Variants in ATP6V1H observed in about 807,000 individuals in gnomAD.
ATP6V1H encodes ATPase H+ transporting V1 subunit H, also known as V-type proton ATPase subunit H.
Under a neutral mutation model 71.7 loss-of-function variants are expected in ATP6V1H, and 39 were observed. That is an observed-to-expected ratio of 0.54 (90% CI 0.42 to 0.71). ATP6V1H has a LOEUF of 0.71. Ranked by LOEUF, ATP6V1H falls within the 30% of genes least tolerant of loss-of-function variation. The probability of loss-of-function intolerance (pLI) is 0.00; values close to 1 mark genes in which losing one functional copy is unlikely to be tolerated. For synonymous variants in ATP6V1H, 192 were observed against 199.3 expected, an observed-to-expected ratio of 0.96 and a Z score of 0.31; for missense variants, 509 against 594.9, an observed-to-expected ratio of 0.86 and a Z score of 1.50.
At chr8:53,764,865 AG>A (rs915535865) in intron 11 of ATP6V1H, among the ~76,000 whole-genome samples, 5 of 152,268 alleles carry the variant, frequency 3.3e-5, no homozygotes, top group Non-Finnish European at 7.4e-5. Flanking sequence ...TGGAAGGCAG[AG>A]ATGGGAGGAC....
Position 53,756,593 on chromosome 8 carries a change from A to G in ATP6V1H, c.1239T>C (p.Asp413=). 1.9e-6 allele frequency: 3 copies of G among 1,614,144 alleles called. No homozygotes were observed. Among genetic ancestry groups the G allele is most frequent in the Non-Finnish European group, 2.5e-6 (3 of 1,179,996 alleles). The part of the protein sequence containing the change: ...DPQVLAVAAH[D]VGEYVRHYPR... ...GATAATGCCGCACATATTCTCCAAC[A>G]TCGTGAGCAGCAACAGCTAAGACTT... Residue 413 remains aspartate (D), a synonymous_variant, in exon 12 of 14, where the codon GAT becomes GAC. Transcript: ENST00000359530.
At chr8:53,746,468 T>C (rs1334807918) in intron 12 of ATP6V1H, among the ~76,000 whole-genome samples, 1 of 152,156 alleles carries the variant, frequency 6.6e-6, no homozygotes, top group East Asian at 1.9e-4. Flanking sequence ...TTTCACCATG[T>C]TGGCCAGGCT....
intron 9 of ATP6V1H, among the ~76,000 whole-genome samples, chr8:53,774,543 A>C (rs1267749726): frequency 1.3e-5 from 2 of 152,222 alleles, no homozygotes; most frequent in Non-Finnish European, 2.9e-5. Context: ...TTACTGGTTC[A>C]ATTTTAAAAT....
At chr8:53,729,458 G>A (rs1806939060) in intron 13 of ATP6V1H, among the ~76,000 whole-genome samples, 1 of 152,136 alleles carries the variant, frequency 6.6e-6, no homozygotes, top group Non-Finnish European at 1.5e-5. Flanking sequence ...GTGCAAGAAA[G>A]CAGCCCAGGG....
At chr8:53,763,889 A>G (rs1808361238) in intron 11 of ATP6V1H, among the ~76,000 whole-genome samples, 1 of 152,208 alleles carries the variant, frequency 6.6e-6, no homozygotes, top group African/African-American at 2.4e-5. Flanking sequence ...TAACTGACTC[A>G]TTGCTAAAGA....
chr8:53,793,892 T>C lies in ATP6V1H; in HGVS notation c.870+1755A>G, dbSNP rs188715657. Among the ~76,000 whole-genome samples, 338 of 152,178 alleles carry C rather than the reference T, an allele frequency of 2.2e-3. 2 individuals carry two copies. Among genetic ancestry groups the C allele is most frequent in the African/African-American group, 7.9e-3 (327 of 41,522 alleles). ...AGGTGGAGGTTACAGTGAGCTGAGATTGCACCACTGCACTCCAGCTTGGGC... is the reference window on the plus strand; with the variant it reads ...AGGTGGAGGTTACAGTGAGCTGAGACTGCACCACTGCACTCCAGCTTGGGC... On this transcript the variant is annotated intron_variant, in intron 9 of 13. Transcript: ENST00000359530.
At chr8:53,839,748 G>T in intron 2 of ATP6V1H, 1 of 985,326 alleles carries the variant, frequency 1.0e-6, no homozygotes, top group African/African-American at 1.7e-5. Flanking sequence ...GTCTCAAAAA[G>T]AGGGCTCTGG....
At chr8:53,757,632 C>T (rs573820647) in intron 11 of ATP6V1H, among the ~76,000 whole-genome samples, 2 of 152,292 alleles carry the variant, frequency 1.3e-5, no homozygotes, top group African/African-American at 4.8e-5. Context: ...CTTTCTAATA[C>T]CCCAGCAACT....
At position 53,767,473 on chromosome 8, in the gene ATP6V1H, C is replaced by A. The variant is rs576113205; in HGVS notation, c.1175+2145G>T. Among the ~76,000 whole-genome samples, 3 of 152,134 alleles carry A rather than the reference C, an allele frequency of 2.0e-5. No individual in the cohort carries two copies. In the South Asian group the frequency reaches 6.2e-4, roughly 32 times the overall value. On this transcript the variant is annotated intron_variant, in intron 11 of 13. Coordinates refer to ENST00000359530, the MANE Select transcript of ATP6V1H (RefSeq NM_015941.4). ...TGTGTGTGACAGCAAACTCTAGTAA[C>A]AATTTAAAATATCTACCAATTAGAG...
At chr8:53,755,903 G>A (rs1229745345) in intron 12 of ATP6V1H, among the ~76,000 whole-genome samples, 2 of 129,376 alleles carry the variant, frequency 1.5e-5, no homozygotes, top group Admixed American at 7.8e-5. Context: ...GACTACAGGC[G>A]CCCGCCACTA....
At chr8:53,750,562 G>C (rs1439830505) in intron 12 of ATP6V1H, among the ~76,000 whole-genome samples, 1 of 152,118 alleles carries the variant, frequency 6.6e-6, no homozygotes, top group East Asian at 1.9e-4. Flanking sequence ...AGGGCTTACT[G>C]TATCTAAAAA....
chr8:53,765,036 T>C (rs928900219), intron 11 of ATP6V1H, among the ~76,000 whole-genome samples: 2 of 151,930 alleles, frequency 1.3e-5, no homozygotes, highest in Non-Finnish European at 2.9e-5. Flanking sequence ...GCCCAGAAGT[T>C]TGATGTTACA....
intron 11 of ATP6V1H, among the ~76,000 whole-genome samples, chr8:53,763,034 T>C (rs1224506014): frequency 1.3e-5 from 2 of 152,226 alleles, no homozygotes; most frequent in African/African-American, 4.8e-5. Flanking sequence ...AAGAATACAG[T>C]ATATAATACA....
chr8:53,819,523 A>C lies in ATP6V1H; in HGVS notation c.307-1993T>G, dbSNP rs566230308. ...CTCCAGCCTCAGTGAGAGAGCAAGA[A>C]TCTATCTCAAAAAAAAAAAAAAGCA... On this transcript the variant is annotated intron_variant, in intron 4 of 13. Transcript: ENST00000359530. Among the ~76,000 whole-genome samples, 163 of 121,982 alleles carry C rather than the reference A, an allele frequency of 1.3e-3. 2 individuals carry two copies. The highest frequency in any genetic ancestry group is 4.9e-3 in the African/African-American group (155 of 31,732). 80.0% of individuals were successfully genotyped at this position (121,982 alleles called of 152,430 possible). A position where few individuals can be genotyped will look rare whatever the true frequency, so the allele number is the denominator to read the frequency against.
intron 9 of ATP6V1H, among the ~76,000 whole-genome samples, chr8:53,790,358 G>A (rs1352912252): frequency 2.0e-5 from 3 of 152,022 alleles, no homozygotes; most frequent in Non-Finnish European, 4.4e-5. Context: ...TATGAACCCA[G>A]TGTTCACATA....
intron 9 of ATP6V1H, among the ~76,000 whole-genome samples, chr8:53,786,964 T>C (rs1038767762): frequency 5.3e-5 from 8 of 152,220 alleles, no homozygotes; most frequent in African/African-American, 1.7e-4. Flanking sequence ...GCAAATACTT[T>C]TATGAAACAC....
intron 9 of ATP6V1H, among the ~76,000 whole-genome samples, chr8:53,776,853 G>A (rs1808909359): frequency 6.6e-6 from 1 of 152,134 alleles, no homozygotes; most frequent in Admixed American, 6.5e-5. Context: ...GTTCAGTGGA[G>A]ACACAGAAAC....
chr8:53,788,024 G>C (rs947790319), intron 9 of ATP6V1H, among the ~76,000 whole-genome samples: 1 of 152,006 alleles, frequency 6.6e-6, no homozygotes, highest in African/African-American at 2.4e-5. Flanking sequence ...TTTTTTAAAG[G>C]TTACAGGAAT....
At chr8:53,838,231 T>G (rs1057128951) in intron 2 of ATP6V1H, among the ~76,000 whole-genome samples, 1 of 151,970 alleles carries the variant, frequency 6.6e-6, no homozygotes, top group African/African-American at 2.4e-5. Context: ...GTTCAAGCGA[T>G]TCTCCTGCCT....
Sources: gnomAD v4.1 joint callset for allele counts (sites outside exome capture counted in the v4.1 genomes callset) on GRCh38, gnomAD v4.1.1 for gene constraint, MANE v1.5 for transcripts, NCBI Gene and HGNC (gene_info 2026-07-23, HGNC 2026-07-21) for gene names.